Variants in TSHR observed in about 807,000 individuals in gnomAD.
TSHR encodes thyroid stimulating hormone receptor, also known as thyrotropin receptor.
A neutral mutation model predicts 64.1 loss-of-function variants in TSHR; 51 were observed. That is an observed-to-expected ratio of 0.80 (90% CI 0.64 to 1.01). The LOEUF (loss-of-function observed/expected upper bound fraction) is 1.01. Ranked by LOEUF, TSHR falls within the 50% of genes least tolerant of loss-of-function variation. The pLI is 0.00. For synonymous variants in TSHR, 361 were observed against 361.9 expected, an observed-to-expected ratio of 1.00 and a Z score of 0.03; for missense variants, 877 against 942.8, an observed-to-expected ratio of 0.93 and a Z score of 0.91.
At chr14:81,095,049 G>A (rs1008259553) in intron 6 of TSHR, among the ~76,000 whole-genome samples, 22 of 152,198 alleles carry the variant, frequency 1.4e-4, no homozygotes, top group Middle Eastern at 3.4e-3. Flanking sequence ...TTCTTATTGT[G>A]TTCCCAAGGT....
chr14:81,134,141 AT>A (rs1163969501), intron 8 of TSHR, among the ~76,000 whole-genome samples: 1 of 151,800 alleles, frequency 6.6e-6, no homozygotes. Flanking sequence ...ATTCTTTTTT[AT>A]TTTTTATTTT....
At chr14:80,973,422 A>AAAAAAAAAAAAAAAAAAAAAAAAAAAAC (rs1887697755) in intron 1 of TSHR, among the ~76,000 whole-genome samples, 1 of 144,212 alleles carries the variant, frequency 6.9e-6, no homozygotes, top group South Asian at 2.4e-4. Context: ...AAAAAAAAAA[A>AAAAAAAAAAAAAAAAAAAAAAAAAAAAC]AAAAAAATCT....
rs933516049 is a variant in TSHR at position 81,019,440 on chromosome 14, C to G, written c.171-42708C>G. Among the ~76,000 whole-genome samples, 3 of 145,988 alleles carry G rather than the reference C, an allele frequency of 2.1e-5. No homozygotes were observed. The South Asian group carries it at 6.4e-4, about 31-fold the overall frequency. On this transcript the variant is annotated intron_variant, in intron 1 of 9. Transcript: ENST00000298171. Reference sequence around the variant, plus strand: ...GCCAGAAAATGTGGATATGTTAGTGCAAGCAAATCATCAATTCTTTTTTTT... The same window carrying G: ...GCCAGAAAATGTGGATATGTTAGTGGAAGCAAATCATCAATTCTTTTTTTT...
rs3214569 is a variant in TSHR, at chr14:81,145,506, A to AT, written c.*1154dup. The AT allele has an allele frequency of 0.86, 199,110 of 232,500 alleles. 85,360 individuals are homozygous for AT. The highest frequency in any genetic ancestry group is 0.87 in the South Asian group (4,795 of 5,518). 14.4% of individuals were successfully genotyped at this position (232,500 alleles called of 1,614,324 possible). On this transcript the variant is annotated 3_prime_UTR_variant, in exon 10 of 10. Transcript: ENST00000298171. ...TAATTACTAGATCTACCCAGCTGTT[A>AT]TATCAGGCCAAAAACAGATTCGTGT... is the stretch of plus-strand genomic sequence containing the variant.
chr14:81,078,592 G>C (rs1357010527), intron 3 of TSHR: 2 of 152,154 alleles, frequency 1.3e-5, no homozygotes, highest in East Asian at 3.8e-4. Context: ...TATTTCAATA[G>C]AGTATGTTAG....
intron 8 of TSHR, chr14:81,108,980 C>A: frequency 7.8e-7 from 1 of 1,288,888 alleles, no homozygotes; most frequent in Non-Finnish European, 9.9e-7. Context: ...TGATTTACAC[C>A]CCCACATCCA....
rs768232132 is a variant in TSHR, at chr14:81,144,364, C to T, written c.*11C>T. The T allele has an allele frequency of 1.9e-6, 3 of 1,613,060 alleles. No individual in the cohort carries two copies. The highest frequency in any genetic ancestry group is 1.7e-6 in the Non-Finnish European group (2 of 1,179,172). On this transcript the variant is annotated 3_prime_UTR_variant, in exon 10 of 10. Transcript: ENST00000298171. ...CAAACGGTTTTGTAAGTTAACACTA[C>T]ACTACTCACAATGGTAGGGGAACTT...
At chr14:80,977,776 T>C (rs1342148713) in intron 1 of TSHR, among the ~76,000 whole-genome samples, 2 of 152,236 alleles carry the variant, frequency 1.3e-5, no homozygotes, top group Non-Finnish European at 2.9e-5. Flanking sequence ...AACTGATACA[T>C]GGGCGAAGCA....
chr14:81,078,383 T>G (rs1887650515), intron 3 of TSHR, among the ~76,000 whole-genome samples: 1 of 152,202 alleles, frequency 6.6e-6, no homozygotes, highest in Non-Finnish European at 1.5e-5. Flanking sequence ...AGTAGTCGTA[T>G]CCGTGTTATT....
intron 8 of TSHR, among the ~76,000 whole-genome samples, chr14:81,124,313 GAC>G (rs1890927469): frequency 2.0e-5 from 3 of 151,904 alleles, no homozygotes; most frequent in Admixed American, 1.3e-4. Flanking sequence ...ATGCCTGAAA[GAC>G]ACAGGTGAAT....
chr14:81,053,506 C>A (rs1307406511), intron 1 of TSHR: 1 of 152,170 alleles, frequency 6.6e-6, no homozygotes, highest in African/African-American at 2.4e-5. Context: ...AAATACCAAT[C>A]AAGAATGCTG....
At chr14:81,008,411 A>T (rs561168679) in intron 1 of TSHR, among the ~76,000 whole-genome samples, 3 of 152,168 alleles carry the variant, frequency 2.0e-5, no homozygotes, top group African/African-American at 7.2e-5. Flanking sequence ...TGACTTCATG[A>T]TCTGCCCACC....
At position 81,087,919 on chromosome 14, in the gene TSHR, C is replaced by T. The variant is rs77924349; in HGVS notation, c.318-35C>T. The stretch of plus-strand genomic sequence containing the variant: ...TCTTTGATAAGAACAGATACGGATG[C>T]ATTATAGTGACTGTGTTCCTTGTAA... On this transcript the variant is annotated intron_variant, in intron 3 of 9. Transcript: ENST00000298171. 7.8e-3 allele frequency: 10,746 copies of T among 1,374,834 alleles called. 250 individuals are homozygous for T. Among genetic ancestry groups the T allele is most frequent in the African/African-American group, 0.073 (5,136 of 70,380 alleles). The allele number at this position is 1,374,834 out of a possible 1,614,324, so 85.2% of individuals were successfully genotyped here.
chr14:81,017,982 A>G (rs1883515359), intron 1 of TSHR, among the ~76,000 whole-genome samples: 1 of 152,036 alleles, frequency 6.6e-6, no homozygotes, highest in African/African-American at 2.4e-5. Flanking sequence ...GGTACCTACC[A>G]CCACACCTGG....
chr14:80,975,018 A>G (rs1887791678), intron 1 of TSHR, among the ~76,000 whole-genome samples: 1 of 152,192 alleles, frequency 6.6e-6, no homozygotes, highest in Admixed American at 6.5e-5. Context: ...AAGGCACATA[A>G]TCATTCTGTG....
chr14:81,106,399 T>C (rs1308237186), intron 7 of TSHR, among the ~76,000 whole-genome samples: 1 of 152,186 alleles, frequency 6.6e-6, no homozygotes, highest in Non-Finnish European at 1.5e-5. Flanking sequence ...TTTACTGTCT[T>C]GATGAAAAAG....
In TSHR at chr14:80,973,788, A is replaced by G. The variant is rs545866873; in HGVS notation, c.170+17938A>G. Among the ~76,000 whole-genome samples, 19 of 152,330 alleles carry G rather than the reference A, an allele frequency of 1.2e-4. No homozygotes were observed. In the Middle Eastern group the frequency reaches 0.01, roughly 82 times the overall value. On this transcript the variant is annotated intron_variant, in intron 1 of 9. Coordinates refer to ENST00000298171, the MANE Select transcript of TSHR (RefSeq NM_000369.5). ...TTTTAAAATCTCCATTAACAAATTTAACCAATGTGCCAAGGAAGAAAATTT... is the reference window on the plus strand; with the variant it reads ...TTTTAAAATCTCCATTAACAAATTTGACCAATGTGCCAAGGAAGAAAATTT...
chr14:81,140,247 T>C (rs915343175), intron 9 of TSHR, among the ~76,000 whole-genome samples: 6 of 152,176 alleles, frequency 3.9e-5, no homozygotes, highest in Admixed American at 3.9e-4. Context: ...AACAGACTTA[T>C]AAACAACACA....
At position 81,139,718 on chromosome 14, in the gene TSHR, A is replaced by G; in HGVS notation, c.732A>G (p.Lys244=). Residue 244 remains lysine (K), a synonymous_variant, in exon 9 of 10, where the codon AAA becomes AAG. Transcript: ENST00000298171. The part of the protein sequence containing the change: ...SQTSVTALPS[K]GLEHLKELIA... Reference sequence around the variant, plus strand: ...CCAGTGTCACTGCCCTTCCATCCAAAGGCCTGGAGCACCTGAAGGAACTGA... The same window carrying G: ...CCAGTGTCACTGCCCTTCCATCCAAGGGCCTGGAGCACCTGAAGGAACTGA... 6.2e-7 allele frequency: 1 copy of G among 1,614,120 alleles called. No individual in the cohort carries two copies. Among genetic ancestry groups the G allele is most frequent in the South Asian group, 1.1e-5 (1 of 91,080 alleles).
Sources: gnomAD v4.1 joint callset for allele counts (sites outside exome capture counted in the v4.1 genomes callset) on GRCh38, gnomAD v4.1.1 for gene constraint, MANE v1.5 for transcripts, NCBI Gene and HGNC (gene_info 2026-07-23, HGNC 2026-07-21) for gene names.